TMEM223: variants seen among roughly 807,000 people sequenced by gnomAD.
TMEM223 encodes the protein transmembrane protein 223.
In TMEM223, 14 loss-of-function variants were observed where a neutral mutation model predicts 14.1. That is an observed-to-expected ratio of 0.99 (90% CI 0.66 to 1.55). The LOEUF is 1.55. Among genes scored for constraint, TMEM223 ranks in the 40% most tolerant of loss-of-function variants. The probability of loss-of-function intolerance (pLI) is 0.00; values close to 1 mark genes in which losing one functional copy is unlikely to be tolerated. For missense variants in TMEM223, 346 were observed against 269.9 expected (o/e 1.28, Z -1.97); for synonymous variants, 145 against 120.5 (o/e 1.20, Z -1.33).
downstream of TMEM223, chr11:62,787,700 C>T (rs2084303975): frequency 3.6e-6 from 3 of 827,128 alleles, no homozygotes; most frequent in Admixed American, 2.8e-5. Context: ...CGCTTTGTGG[C>T]TCCTCCTGGC....
chr11:62,782,962 C>G, downstream of TMEM223: 2 of 1,293,524 alleles, frequency 1.5e-6, no homozygotes, highest in Non-Finnish European at 2.1e-6. Flanking sequence ...AGGCCAGGCT[C>G]AGTGATACTT....
intron 1 of TMEM223, among the ~76,000 whole-genome samples, chr11:62,777,117 A>G (rs1189350323): frequency 2.0e-5 from 3 of 151,862 alleles, no homozygotes; most frequent in Non-Finnish European, 2.9e-5. Flanking sequence ...ACTGTACTCC[A>G]GCCTGGGTGA....
chr11:62,787,022 GGGCAC>G, downstream of TMEM223: 1 of 1,498,734 alleles, frequency 6.7e-7, no homozygotes, highest in Non-Finnish European at 8.8e-7. Flanking sequence ...CGGGCGCGCG[GGGCAC>G]CCCGGCAGCA....
At chr11:62,787,356 T>G (rs1196926960), downstream of TMEM223, 6 of 1,537,952 alleles carry the variant, frequency 3.9e-6, no homozygotes, top group Non-Finnish European at 5.2e-6. Flanking sequence ...CGTCTCCACC[T>G]TCGTGGGTCG....
chr11:62,778,162 G>A (rs1248149514), intron 1 of TMEM223: 1 of 1,614,006 alleles, frequency 6.2e-7, no homozygotes, highest in South Asian at 1.1e-5. Context: ...GTTGGGGATG[G>A]GAGTTGGGCC....
downstream of TMEM223, chr11:62,786,264 T>C: frequency 1.2e-6 from 2 of 1,611,236 alleles, no homozygotes; most frequent in Non-Finnish European, 1.7e-6. Flanking sequence ...TTCCAGGCAG[T>C]AGAACGAGTC....
At chr11:62,776,322 G>A in intron 1 of TMEM223, 2 of 1,551,946 alleles carry the variant, frequency 1.3e-6, no homozygotes, top group Non-Finnish European at 1.8e-6. Context: ...CACTTCATTT[G>A]GGGTTTCCCA....
chr11:62,779,946 G>A (rs1445860513), intron 1 of TMEM223, among the ~76,000 whole-genome samples: 4 of 136,138 alleles, frequency 2.9e-5, no homozygotes, highest in African/African-American at 5.5e-5. Context: ...GATTACAGGC[G>A]TGAGCCTATA....
At chr11:62,785,516 G>C (rs2084265175), downstream of TMEM223, among the ~76,000 whole-genome samples, 1 of 146,846 alleles carries the variant, frequency 6.8e-6, no homozygotes, top group Non-Finnish European at 1.5e-5. Context: ...AGGCCCAGCT[G>C]GTATTTTCCT....
chr11:62,774,738 G>A, intron 1 of TMEM223: 2 of 445,324 alleles, frequency 4.5e-6, no homozygotes, highest in Non-Finnish European at 9.1e-6. Flanking sequence ...TAGGCAGAAA[G>A]CCCAGCTACT....
At chr11:62,779,561 G>C (rs1228054117) in intron 1 of TMEM223, among the ~76,000 whole-genome samples, 1 of 152,046 alleles carries the variant, frequency 6.6e-6, no homozygotes, top group Admixed American at 6.6e-5. Flanking sequence ...CCCGACCTCA[G>C]GTGATCCACC....
At position 62,790,054 on chromosome 11, in the gene TMEM223, A is replaced by C. The variant is rs761030823; in HGVS notation, c.*569T>G. ...ACGCCTTTCCCATTCCTGAAGAATA[A>C]GCGGAGTGCTTCCTGCAGCCGAAGA... On this transcript the variant is annotated 3_prime_UTR_variant, in exon 2 of 2. Transcript: ENST00000307366. 6.9e-6 allele frequency: 11 copies of C among 1,601,088 alleles called. No individual in the cohort carries two copies. Among genetic ancestry groups the C allele is most frequent in the Non-Finnish European group, 6.8e-6 (8 of 1,172,674 alleles).
intron 1 of TMEM223, 121 bp from the exon 2 acceptor site, chr11:62,791,036 T>A: frequency 9.2e-7 from 1 of 1,088,840 alleles, no homozygotes; most frequent in Non-Finnish European, 1.3e-6. Flanking sequence ...AGCGCTTTTT[T>A]TTTTGAGACT....
intron 1 of TMEM223, among the ~76,000 whole-genome samples, chr11:62,779,473 G>A (rs985471034): frequency 6.6e-6 from 1 of 151,994 alleles, no homozygotes; most frequent in East Asian, 1.9e-4. Context: ...GGGATTACAA[G>A]TGTGAGCCAC....
rs1037012340 is a variant in TMEM223, at chr11:62,790,161, G to A, written c.*462C>T. ...CTTAGTTTTCCTTTCGTTGGGGGGT[G>A]GGGGGGAAACATAATGACAGGCCCC... On this transcript the variant is annotated 3_prime_UTR_variant, in exon 2 of 2. Transcript: ENST00000307366. 5 of 1,216,364 alleles carry A rather than the reference G, an allele frequency of 4.1e-6. No individual in the cohort carries two copies. The highest frequency in any genetic ancestry group is 3.2e-5 in the Admixed American group (1 of 31,236). 75.3% of individuals were successfully genotyped at this position (1,216,364 alleles called of 1,614,324 possible). A position where few individuals can be genotyped will look rare whatever the true frequency, so the allele number is the denominator to read the frequency against.
At chr11:62,782,399 T>A in intron 1 of TMEM223, 2 of 1,528,948 alleles carry the variant, frequency 1.3e-6, no homozygotes, top group Admixed American at 3.6e-5. Context: ...GGTAAGGAAA[T>A]GGGGCGAAGC....
chr11:62,781,712 C>A, intron 1 of TMEM223: 1 of 566,132 alleles, frequency 1.8e-6, no homozygotes, highest in African/African-American at 1.9e-5. Context: ...GGGCCATATG[C>A]AGGTATATGT....
chr11:62,779,053 T>G, intron 1 of TMEM223: 1 of 1,149,818 alleles, frequency 8.7e-7, no homozygotes, highest in Non-Finnish European at 1.3e-6. Context: ...AGAGTTTCGC[T>G]CTTGTTGCCC....
At chr11:62,782,915 G>A, downstream of TMEM223, 2 of 1,543,804 alleles carry the variant, frequency 1.3e-6, no homozygotes, top group Non-Finnish European at 1.8e-6. Context: ...CCAAAATAGT[G>A]TGTGCCTGCC....
Sources: gnomAD v4.1 joint callset for allele counts (sites outside exome capture counted in the v4.1 genomes callset) on GRCh38, gnomAD v4.1.1 for gene constraint, MANE v1.5 for transcripts, NCBI Gene and HGNC (gene_info 2026-07-23, HGNC 2026-07-21) for gene names.